The following MTHFD2 variants were observed in gnomAD, a reference collection of about 807,000 sequenced individuals.
MTHFD2 encodes bifunctional methylenetetrahydrofolate dehydrogenase/cyclohydrolase, mitochondrial.
Under a neutral mutation model 36.8 loss-of-function variants are expected in MTHFD2, and 26 were observed. The ratio of observed to expected loss-of-function variants is 0.71; its 90% CI spans 0.52 to 0.98. The LOEUF is 0.98. Ranked by LOEUF, MTHFD2 falls within the 50% of genes least tolerant of loss-of-function variation. The pLI is 0.00. For missense variants in MTHFD2, 373 were observed against 434.0 expected (o/e 0.86, Z 1.25); for synonymous variants, 164 against 155.2 (o/e 1.06, Z -0.42).
At chr2:74,211,025 T>C (rs1368515921) in intron 5 of MTHFD2, among the ~76,000 whole-genome samples, 174 bp from the exon 6 acceptor site, 1 of 152,210 alleles carries the variant, frequency 6.6e-6, no homozygotes, top group Non-Finnish European at 1.5e-5. Context: ...GACCTGGTGA[T>C]CTGCCCACCT....
intron 2 of MTHFD2, among the ~76,000 whole-genome samples, chr2:74,206,968 T>G (rs1425546306): frequency 1.3e-5 from 2 of 152,178 alleles, no homozygotes; most frequent in Non-Finnish European, 2.9e-5. Flanking sequence ...TCAGGTGATC[T>G]GCGCCTGCCT....
intron 1 of MTHFD2, among the ~76,000 whole-genome samples, chr2:74,203,562 T>C (rs1694091524): frequency 6.6e-6 from 1 of 152,110 alleles, no homozygotes; most frequent in Non-Finnish European, 1.5e-5. Context: ...GAGAATTGCA[T>C]GAACTTGGGA....
intron 4 of MTHFD2, among the ~76,000 whole-genome samples, chr2:74,209,376 G>A (rs1437481430): frequency 6.6e-6 from 1 of 151,894 alleles, no homozygotes; most frequent in Non-Finnish European, 1.5e-5. Context: ...CTGAGTAGCT[G>A]GGACTACAGG....
In MTHFD2 at chr2:74,216,123, A is replaced by C. The variant is rs1558859906; in HGVS notation, c.*1881A>C. 1.3e-5 allele frequency: 2 copies of C among 152,172 alleles called. No homozygotes were observed. Among genetic ancestry groups the C allele is most frequent in the Non-Finnish European group, 2.9e-5 (2 of 68,040 alleles). The allele number at this position is 152,172 out of a possible 1,614,324, so 9.4% of individuals were successfully genotyped here. On this transcript the variant is annotated 3_prime_UTR_variant, in exon 8 of 8. Transcript: ENST00000394053. ...TCTGCCAGCTGGCGTTATTCTTTTG[A>C]TAGTTCTCTGGAGTTTAAAGAAGTT...
intron 3 of MTHFD2, 55 bp from the exon 4 acceptor site, chr2:74,208,514 G>A: frequency 6.4e-7 from 1 of 1,564,474 alleles, no homozygotes; most frequent in Non-Finnish European, 8.7e-7. Flanking sequence ...CTGGAGTCAG[G>A]CAGTGCTGAC....
chr2:74,201,618 G>T (rs1250101775), intron 1 of MTHFD2, among the ~76,000 whole-genome samples: 2 of 152,156 alleles, frequency 1.3e-5, no homozygotes, highest in Non-Finnish European at 2.9e-5. Flanking sequence ...GGATTACAAG[G>T]CCTGTGCCAC....
At chr2:74,203,851 G>T (rs1667608) in intron 1 of MTHFD2, among the ~76,000 whole-genome samples, 90,843 of 138,788 alleles carry the variant, frequency 0.65, 28,759 homozygotes, top group African/African-American at 0.79. Context: ...ATCTAGTTTA[G>T]TTTAGTTTAG....
At chr2:74,201,440 C>T (rs1283951878) in intron 1 of MTHFD2, among the ~76,000 whole-genome samples, 1 of 151,874 alleles carries the variant, frequency 6.6e-6, no homozygotes, top group East Asian at 1.9e-4. Context: ...TTACTGCAGC[C>T]TTGACCTCCT....
chr2:74,202,573 C>T (rs565002108), intron 1 of MTHFD2, among the ~76,000 whole-genome samples: 1 of 151,832 alleles, frequency 6.6e-6, no homozygotes, highest in African/African-American at 2.4e-5. Context: ...TGCAGTGGCA[C>T]GATCTCCGCT....
rs752763678 is a variant in MTHFD2, at chr2:74,211,267, G to A, written c.739G>A (p.Ala247Thr). The change falls in exon 6 of 8, where the codon GCA becomes ACA. Residue 247 changes from alanine (A) to threonine (T), a missense_variant. Coordinates refer to ENST00000394053, the MANE Select transcript of MTHFD2 (RefSeq NM_006636.4). The stretch of plus-strand genomic sequence containing the variant: ...GCAGTTGAAGAAACATACAATTCTT[G>A]CAGATATTGTAATATCTGCTGCAGG... The part of the protein sequence containing the change: ...KEQLKKHTIL[A>T]DIVISAAGIP... The A allele has an allele frequency of 1.9e-6, 3 of 1,606,118 alleles. No individual in the cohort carries two copies. Among genetic ancestry groups the A allele is most frequent in the South Asian group, 1.1e-5 (1 of 90,570 alleles).
At position 74,211,268 on chromosome 2, in the gene MTHFD2, C is replaced by A. The variant is rs1428567735; in HGVS notation, c.740C>A (p.Ala247Glu). Reference sequence around the variant, plus strand: ...CAGTTGAAGAAACATACAATTCTTGCAGATATTGTAATATCTGCTGCAGGT... The same window carrying A: ...CAGTTGAAGAAACATACAATTCTTGAAGATATTGTAATATCTGCTGCAGGT... ...KEQLKKHTIL[A>E]DIVISAAGIP... The change falls in exon 6 of 8, where the codon GCA becomes GAA. Residue 247 changes from alanine to glutamate, a missense_variant. By Grantham distance (107) the Ala-to-Glu change is moderately radical (BLOSUM62 -1). This residue lies in a region of MTHFD2 where 308 missense variants were observed against 397.8 expected (regional missense o/e 0.77). Transcript: ENST00000394053. 6.2e-7 allele frequency: 1 copy of A among 1,605,276 alleles called. No homozygotes were observed. Among genetic ancestry groups the A allele is most frequent in the South Asian group, 1.1e-5 (1 of 90,548 alleles).
intron 3 of MTHFD2, 118 bp downstream of exon 3, chr2:74,207,944 T>A: frequency 9.2e-7 from 1 of 1,081,934 alleles, no homozygotes; most frequent in South Asian, 1.6e-5. Flanking sequence ...TGTCTCACTC[T>A]GTCACCCAGG....
At chr2:74,208,781 G>A in intron 4 of MTHFD2, 60 bp downstream of exon 4, 1 of 1,546,336 alleles carries the variant, frequency 6.5e-7, no homozygotes. Context: ...ACTGGCAAAT[G>A]GTAAAAACTC....
chr2:74,204,141 TG>T (rs1348697570), intron 1 of MTHFD2, among the ~76,000 whole-genome samples: 5 of 152,122 alleles, frequency 3.3e-5, no homozygotes, highest in Non-Finnish European at 7.4e-5. Flanking sequence ...CTGGAACTCC[TG>T]ACCTCAAGCA....
intron 4 of MTHFD2, 72 bp downstream of exon 4, chr2:74,208,793 T>C (rs1694241369): frequency 2.0e-6 from 3 of 1,496,916 alleles, no homozygotes; most frequent in African/African-American, 2.8e-5. Context: ...TAAAAACTCA[T>C]ACAGTCCCAA....
chr2:74,201,714 T>C (rs564903894), intron 1 of MTHFD2, among the ~76,000 whole-genome samples: 9 of 152,346 alleles, frequency 5.9e-5, no homozygotes, highest in African/African-American at 2.2e-4. Context: ...AGTTACAATT[T>C]TGGATTCCCC....
intron 1 of MTHFD2, among the ~76,000 whole-genome samples, chr2:74,204,263 A>C (rs1235260904): frequency 6.6e-6 from 1 of 152,094 alleles, no homozygotes; most frequent in African/African-American, 2.4e-5. Flanking sequence ...ACATGTGTGA[A>C]AATAGGAAAA....
chr2:74,205,778 G>T lies in MTHFD2; in HGVS notation c.175G>T (p.Glu59Ter), dbSNP rs1694162549. The T allele has an allele frequency of 6.2e-7, 1 of 1,613,770 alleles. No homozygotes were observed. The highest frequency in any genetic ancestry group is 1.3e-5 in the African/African-American group (1 of 74,852). Reference sequence around the variant, plus strand: ...GCAGGAAGTGCGGCAGGAGGTAGAAGAGTGGGTGGCCTCAGGCAACAAACG... The same window carrying T: ...GCAGGAAGTGCGGCAGGAGGTAGAATAGTGGGTGGCCTCAGGCAACAAACG... ...IKQEVRQEVE[E>*]WVASGNKRPH... The change falls in exon 2 of 8, where the codon GAG becomes TAG. Residue 59 changes from glutamate (E) to a stop codon, truncating the protein, a stop_gained. Coordinates refer to ENST00000394053, the MANE Select transcript of MTHFD2 (RefSeq NM_006636.4). LOFTEE classifies it high-confidence loss of function.
rs778391709 is a variant in MTHFD2, at chr2:74,198,712, G to C, written c.71G>C (p.Arg24Pro). 3 of 1,610,948 alleles carry C rather than the reference G, an allele frequency of 1.9e-6. No homozygotes were observed. Among genetic ancestry groups the C allele is most frequent in the Middle Eastern group, 3.3e-4 (2 of 6,066 alleles). The change falls in exon 1 of 8, where the codon CGC becomes CCC. Residue 24 changes from arginine (R) to proline (P), a missense_variant. Arg to Pro is a moderately radical substitution (Grantham distance 103). Around this residue, in one of 2 missense-constraint regions of MTHFD2, gnomAD observed 65 missense variants for 36.1 expected, o/e 1.80. Transcript: ENST00000394053. ...CAGCCCGCGCACAGCTGCTCCCTTC[G>C]CCTTCGCCCTTTCCACCTCGCGGCA... ...LLQPAHSCSL[R>P]LRPFHLAAVR...
Sources: gnomAD v4.1 joint callset for allele counts (sites outside exome capture counted in the v4.1 genomes callset) on GRCh38, gnomAD v4.1.1 for gene constraint, gnomAD v4.1.1 regional missense constraint, MANE v1.5 for transcripts, NCBI Gene and HGNC (gene_info 2026-07-23, HGNC 2026-07-21) for gene names.